IMMP2L: variants seen among roughly 807,000 people sequenced by gnomAD.
IMMP2L encodes inner mitochondrial membrane peptidase subunit 2, also known as mitochondrial inner membrane protease subunit 2.
In IMMP2L, 18 loss-of-function variants were observed where a neutral mutation model predicts 19.3. The ratio of observed to expected loss-of-function variants is 0.93; its 90% CI spans 0.64 to 1.38. IMMP2L has a LOEUF of 1.38. Ranked by LOEUF, IMMP2L falls within the 40% of genes most tolerant of loss-of-function variation. IMMP2L has a pLI of 0.00. For synonymous variants in IMMP2L, 76 were observed against 73.0 expected, an observed-to-expected ratio of 1.04 and a Z score of -0.21; for missense variants, 233 against 218.2, an observed-to-expected ratio of 1.07 and a Z score of -0.43.
At chr7:110,956,674 TAA>T (rs1818387567) in intron 4 of IMMP2L, among the ~76,000 whole-genome samples, 1 of 151,934 alleles carries the variant, frequency 6.6e-6, no homozygotes, top group Non-Finnish European at 1.5e-5. Context: ...CACTAGGGAC[TAA>T]AAAGAGTCCA....
intron 3 of IMMP2L, among the ~76,000 whole-genome samples, chr7:111,133,338 C>T (rs550801259): frequency 1.4e-4 from 22 of 152,140 alleles, no homozygotes; most frequent in Non-Finnish European, 2.8e-4. Context: ...TTCTCAGTTA[C>T]TGTAACGTAG....
chr7:110,893,511 G>C (rs1478245016), intron 4 of IMMP2L, among the ~76,000 whole-genome samples: 1 of 152,102 alleles, frequency 6.6e-6, no homozygotes, highest in African/African-American at 2.4e-5. Flanking sequence ...GAATGTACCA[G>C]AATTTGTCAA....
intron 3 of IMMP2L, among the ~76,000 whole-genome samples, chr7:111,126,916 TA>T (rs1351929336): frequency 1.3e-5 from 2 of 152,186 alleles, no homozygotes; most frequent in Non-Finnish European, 2.9e-5. Flanking sequence ...CACTGGCCTA[TA>T]AACATTTCCA....
Position 110,942,856 on chromosome 7 carries a change from A to G in IMMP2L, c.305+20644T>C, listed in dbSNP as rs934076826. Among the ~76,000 whole-genome samples the G allele has an allele frequency of 1.3e-5, 2 of 152,024 alleles. 1 individual carries two copies. Among genetic ancestry groups the G allele is most frequent in the Admixed American group, 1.3e-4 (2 of 15,086 alleles). On this transcript the variant is annotated intron_variant, in intron 4 of 5. Coordinates refer to ENST00000405709, the MANE Select transcript of IMMP2L (RefSeq NM_032549.4). ...TTTCCATATACTGCTATAGATATCC[A>G]GCACCCAAGTAATATGACAAATAAG...
intron 3 of IMMP2L, among the ~76,000 whole-genome samples, chr7:111,324,782 A>C (rs1277499300): frequency 1.3e-5 from 2 of 151,936 alleles, no homozygotes; most frequent in Non-Finnish European, 2.9e-5. Context: ...TTAGTTTTTA[A>C]AAAACAATAA....
At chr7:110,773,389 C>G (rs1048372921) in intron 5 of IMMP2L, among the ~76,000 whole-genome samples, 3 of 152,082 alleles carry the variant, frequency 2.0e-5, no homozygotes, top group Admixed American at 6.6e-5. Flanking sequence ...AAAAATGAAT[C>G]ATTAGATCAC....
intron 5 of IMMP2L, among the ~76,000 whole-genome samples, chr7:110,774,950 G>A (rs1799278866): frequency 1.3e-5 from 2 of 151,852 alleles, no homozygotes; most frequent in Non-Finnish European, 2.9e-5. Context: ...ATAATGAACT[G>A]GTTAAATAAA....
intron 3 of IMMP2L, among the ~76,000 whole-genome samples, chr7:111,074,417 A>G (rs2129575700): frequency 6.6e-6 from 1 of 152,336 alleles, no homozygotes; most frequent in South Asian, 2.1e-4. Flanking sequence ...AATGCTGAAA[A>G]AGCCTTCTTT....
chr7:110,907,194 C>A (rs145605592), intron 4 of IMMP2L, among the ~76,000 whole-genome samples: 3 of 152,212 alleles, frequency 2.0e-5, no homozygotes, highest in Admixed American at 6.5e-5. Flanking sequence ...CAGCCTTTTG[C>A]GCCCACACTT....
intron 3 of IMMP2L, among the ~76,000 whole-genome samples, chr7:111,144,628 A>C (rs1803273895): frequency 6.6e-6 from 1 of 152,116 alleles, no homozygotes; most frequent in African/African-American, 2.4e-5. Flanking sequence ...AAACATATTA[A>C]ATCCACGGGG....
chr7:111,024,464 C>G (rs907209911), intron 3 of IMMP2L, among the ~76,000 whole-genome samples: 3 of 152,136 alleles, frequency 2.0e-5, no homozygotes, highest in Non-Finnish European at 2.9e-5. Context: ...ATCACCTCAA[C>G]CCAGGTAGTC....
At chr7:111,270,961 C>T (rs1474895638) in intron 3 of IMMP2L, among the ~76,000 whole-genome samples, 3 of 152,136 alleles carry the variant, frequency 2.0e-5, no homozygotes, top group African/African-American at 7.2e-5. Flanking sequence ...CTATTATATA[C>T]TCCATTAACA....
chr7:111,036,974 A>T (rs533060986), intron 3 of IMMP2L, among the ~76,000 whole-genome samples: 85 of 152,314 alleles, frequency 5.6e-4, no homozygotes, highest in African/African-American at 2.0e-3. Context: ...CAGAAAAAAT[A>T]AGCATATGAA....
In IMMP2L at chr7:110,952,947, T is replaced by C. The variant is rs917551881; in HGVS notation, c.305+10553A>G. 2.6e-5 allele frequency among the ~76,000 whole-genome samples: 4 copies of C among 152,134 alleles called. 1 individual carries two copies. The highest frequency in any genetic ancestry group is 5.9e-5 in the Non-Finnish European group (4 of 68,032). On this transcript the variant is annotated intron_variant, in intron 4 of 5. Coordinates refer to ENST00000405709, the MANE Select transcript of IMMP2L (RefSeq NM_032549.4). ...TTGCTACCCAATAATATAGTCATGATATCTTGGTGTATGCTACTGCTAGTA... is the reference window on the plus strand; with the variant it reads ...TTGCTACCCAATAATATAGTCATGACATCTTGGTGTATGCTACTGCTAGTA...
chr7:110,776,490 G>C (rs534901097), intron 5 of IMMP2L, among the ~76,000 whole-genome samples: 5 of 151,976 alleles, frequency 3.3e-5, no homozygotes, highest in African/African-American at 1.2e-4. Flanking sequence ...AGAGCAGAAG[G>C]CTTTCTGATC....
intron 2 of IMMP2L, among the ~76,000 whole-genome samples, chr7:111,492,962 T>A (rs1843234888): frequency 6.6e-6 from 1 of 152,224 alleles, no homozygotes; most frequent in Non-Finnish European, 1.5e-5. Context: ...TGTAAGTTTC[T>A]CAACTGCTGA....
At chr7:111,228,816 T>C (rs1374145916) in intron 3 of IMMP2L, among the ~76,000 whole-genome samples, 2 of 151,998 alleles carry the variant, frequency 1.3e-5, no homozygotes, top group African/African-American at 2.4e-5. Flanking sequence ...GTCCCCACCA[T>C]CTTAGGTGAA....
chr7:111,359,165 T>C (rs950182143), intron 3 of IMMP2L, among the ~76,000 whole-genome samples: 1 of 152,142 alleles, frequency 6.6e-6, no homozygotes, highest in Non-Finnish European at 1.5e-5. Flanking sequence ...CTGCTGTTTT[T>C]ACTGGCAAGG....
intron 3 of IMMP2L, among the ~76,000 whole-genome samples, chr7:111,015,715 T>A (rs756715376): frequency 9.9e-5 from 15 of 151,892 alleles, no homozygotes; most frequent in Non-Finnish European, 1.5e-4. Context: ...AGGTAGAGGG[T>A]TTCTTTAGGG....
Sources: gnomAD v4.1 joint callset for allele counts (sites outside exome capture counted in the v4.1 genomes callset) on GRCh38, gnomAD v4.1.1 for gene constraint, MANE v1.5 for transcripts, NCBI Gene and HGNC (gene_info 2026-07-23, HGNC 2026-07-21) for gene names.